Variants in PWWP3A observed in about 807,000 individuals in gnomAD.
PWWP3A encodes PWWP domain-containing DNA repair factor 3A.
A neutral mutation model predicts 79.0 loss-of-function variants in PWWP3A; 53 were observed. The ratio of observed to expected loss-of-function variants is 0.67; its 90% confidence interval spans 0.54 to 0.84. PWWP3A has a LOEUF of 0.84. PWWP3A is among the 40% of genes least tolerant of loss of function. The probability of loss-of-function intolerance (pLI) is 0.00; values close to 1 mark genes in which losing one functional copy is unlikely to be tolerated. For missense variants in PWWP3A, 973 were observed against 948.0 expected, an observed-to-expected ratio of 1.03 and a Z score of -0.35; for synonymous variants, 443 against 394.4, an observed-to-expected ratio of 1.12 and a Z score of -1.46.
intron 6 of PWWP3A, 44 bp downstream of exon 6, chr19:1,362,395 CAG>C: frequency 6.6e-7 from 1 of 1,524,344 alleles, no homozygotes; most frequent in Non-Finnish European, 9.0e-7. Context: ...ACGGTGCGCT[CAG>C]AGGCAGCGGC....
chr19:1,368,570 C>G lies in PWWP3A; in HGVS notation c.1423-695C>G, dbSNP rs976687790. ...GGGTGCCCCCGTACCCCTAGTGGCC[C>G]TCGGCTCCAGAGTCTTCCCTGGGTC... On this transcript the variant is annotated intron_variant, in intron 9 of 13. Coordinates refer to ENST00000591337, the MANE Select transcript of PWWP3A (RefSeq NM_001369789.1). This position sits in a 1 kb window ranked among gnomAD's most constrained non-coding sequence, Gnocchi z 4.7. Among the ~76,000 whole-genome samples, 1 of 152,184 alleles carries G rather than the reference C, an allele frequency of 6.6e-6. No individual in the cohort carries two copies.
Position 1,368,205 on chromosome 19 carries a change from G to C in PWWP3A, c.1422+985G>C, listed in dbSNP as rs747768441. Among the ~76,000 whole-genome samples the C allele has an allele frequency of 2.6e-5, 4 of 152,204 alleles. No individual in the cohort carries two copies. The highest frequency in any genetic ancestry group is 4.8e-5 in the African/African-American group (2 of 41,456). ...CTCAAAGTGCTGGGATTACAGGTGT[G>C]AGCCACTGCGCCCGGCTGGAACTGA... On this transcript the variant is annotated intron_variant, in intron 9 of 13. Transcript: ENST00000591337. The surrounding 1 kb of genome is among the most constrained non-coding windows in gnomAD (Gnocchi z 4.7).
rs1350699607 is a variant in PWWP3A, at chr19:1,376,291, G to GTTTTTTTT, written c.2076-225_2076-224insTTTTTTTT. On this transcript the variant is annotated intron_variant, in intron 13 of 13. Coordinates refer to ENST00000591337, the MANE Select transcript of PWWP3A (RefSeq NM_001369789.1). ...CAGACATGCGCCACCACGCCCGGCT[G>GTTTTTTTT]TTTGTTTTTTTTTTTGTTTGTTTTT... Among the ~76,000 whole-genome samples the GTTTTTTTT allele has an allele frequency of 6.3e-4, 32 of 50,844 alleles. 1 individual carries two copies. Among genetic ancestry groups the GTTTTTTTT allele is most frequent in the East Asian group, 2.4e-3 (6 of 2,460 alleles). 33.4% of individuals were successfully genotyped at this position (50,844 alleles called of 152,430 possible). A position where few individuals can be genotyped will look rare whatever the true frequency, so the allele number is the denominator to read the frequency against.
intron 11 of PWWP3A, 84 bp from the exon 12 acceptor site, chr19:1,370,558 C>G: frequency 7.9e-7 from 1 of 1,267,330 alleles, no homozygotes; most frequent in Non-Finnish European, 1.1e-6. Context: ...CCTGCCATGT[C>G]GCAGCCTCCC....
At position 1,377,271 on chromosome 19, in the gene PWWP3A, C is replaced by T. The variant is rs1336248174; in HGVS notation, c.*695C>T. ...CCCTGGCTGCCATGGGCCAGACCGC[C>T]TCCACCTCCCCCGCCCGCCTGGCCT... On this transcript the variant is annotated 3_prime_UTR_variant, in exon 14 of 14. Transcript: ENST00000591337. 6.5e-6 allele frequency: 1 copy of T among 152,736 alleles called. No homozygotes were observed. The highest frequency in any genetic ancestry group is 1.5e-5 in the Non-Finnish European group (1 of 68,542). 9.5% of individuals were successfully genotyped at this position (152,736 alleles called of 1,614,324 possible). A position where few individuals can be genotyped will look rare whatever the true frequency, so the allele number is the denominator to read the frequency against.
chr19:1,357,040 A>G lies in PWWP3A; in HGVS notation c.89A>G (p.Asn30Ser), dbSNP rs747939051. 2 of 1,613,522 alleles carry G rather than the reference A, an allele frequency of 1.2e-6. No homozygotes were observed. The highest frequency in any genetic ancestry group is 2.2e-5 in the South Asian group (2 of 90,770). Residue 30 changes from asparagine (N) to serine (S), a missense_variant, in exon 3 of 14, where the codon AAT (asparagine) becomes AGT (serine). Coordinates refer to ENST00000591337, the MANE Select transcript of PWWP3A (RefSeq NM_001369789.1). The part of the protein sequence containing the change: ...VLARTATSTK[N>S]KRRKEYFLAV... ...GCCCGAACCGCGACTTCAACAAAAA[A>G]TAAGAGAAGAAAGGAATATTTTCTA...
chr19:1,369,762 C>G lies in PWWP3A; in HGVS notation c.1549+116C>G. 8.7e-7 allele frequency: 1 copy of G among 1,146,180 alleles called. No individual in the cohort carries two copies. Among genetic ancestry groups the G allele is most frequent in the Non-Finnish European group, 1.3e-6 (1 of 756,688 alleles). The allele number at this position is 1,146,180 out of a possible 1,614,324, so 71.0% of individuals were successfully genotyped here. On this transcript the variant is annotated intron_variant, in intron 11 of 13. Coordinates refer to ENST00000591337, the MANE Select transcript of PWWP3A (RefSeq NM_001369789.1). The surrounding 1 kb of genome is among the most constrained non-coding windows in gnomAD (Gnocchi z 4.0). ...GTTGGGGTCAAGGCACTGTCCGCAGCCACACAGCATTGTTCAACCTCTATG... is the reference window on the plus strand; with the variant it reads ...GTTGGGGTCAAGGCACTGTCCGCAGGCACACAGCATTGTTCAACCTCTATG...
intron 11 of PWWP3A, 129 bp from the exon 12 acceptor site, chr19:1,370,513 A>G (rs2082229080): frequency 1.2e-6 from 1 of 820,498 alleles, no homozygotes; most frequent in African/African-American, 1.7e-5. Context: ...CTCCCGTGCT[A>G]ACACGGAGCT....
intron 5 of PWWP3A, among the ~76,000 whole-genome samples, chr19:1,361,458 T>C (rs1249394949): frequency 2.0e-5 from 3 of 152,240 alleles, no homozygotes; most frequent in Admixed American, 2.0e-4. Context: ...AAGACTGACT[T>C]TTTAAAGAAT....
At chr19:1,374,916 ATAT>A (rs2082333059) in intron 13 of PWWP3A, among the ~76,000 whole-genome samples, 1 of 152,022 alleles carries the variant, frequency 6.6e-6, no homozygotes, top group Non-Finnish European at 1.5e-5. Context: ...CTAAAAATAA[ATAT>A]TATTTTAAAA....
chr19:1,369,765 C>T lies in PWWP3A; in HGVS notation c.1549+119C>T. ...GGGGTCAAGGCACTGTCCGCAGCCA[C>T]ACAGCATTGTTCAACCTCTATGAGG... On this transcript the variant is annotated intron_variant, in intron 11 of 13. Transcript: ENST00000591337. The surrounding 1 kb of genome is among the most constrained non-coding windows in gnomAD (Gnocchi z 4.0). 1 of 1,129,900 alleles carries T rather than the reference C, an allele frequency of 8.9e-7. No individual in the cohort carries two copies. Among genetic ancestry groups the T allele is most frequent in the South Asian group, 1.2e-5 (1 of 80,268 alleles). The allele number at this position is 1,129,900 out of a possible 1,614,324, so 70.0% of individuals were successfully genotyped here. A position where few individuals can be genotyped will look rare whatever the true frequency, so the allele number is the denominator to read the frequency against.
chr19:1,362,957 G>T (rs935866307), intron 6 of PWWP3A, among the ~76,000 whole-genome samples: 3 of 152,356 alleles, frequency 2.0e-5, no homozygotes, highest in Admixed American at 6.5e-5. Context: ...AGCCCCACTT[G>T]AGACTCGCCC....
At position 1,355,140 on chromosome 19, in the gene PWWP3A, G is replaced by T. The variant is rs1415835678; in HGVS notation, c.-70+5G>T. ...CTGGGGAAAGCCGGGGGCCCGGTGA[G>T]CCCGCGGGATGCGTCCCCTCGGTTC... On this transcript the variant is annotated splice_donor_5th_base_variant and intron_variant, in intron 1 of 13. Transcript: ENST00000591337. The T allele has an allele frequency of 6.6e-6, 1 of 152,468 alleles. No individual in the cohort carries two copies. Among genetic ancestry groups the T allele is most frequent in the Non-Finnish European group, 1.5e-5 (1 of 67,928 alleles). 9.4% of individuals were successfully genotyped at this position (152,468 alleles called of 1,614,324 possible).
rs749968600 is a variant in PWWP3A at position 1,356,332 on chromosome 19, G to GT, written c.-61_-60insT. ...TGCAAATTTCGTTCCAGGACACATT[G>GT]GCGTGAGACCTGGGAGTACGTTGTG... On this transcript the variant is annotated 5_prime_UTR_variant, in exon 2 of 14. Transcript: ENST00000591337. The GT allele has an allele frequency of 6.5e-7, 1 of 1,545,842 alleles. No homozygotes were observed. Among genetic ancestry groups the GT allele is most frequent in the South Asian group, 1.1e-5 (1 of 89,624 alleles).
At chr19:1,355,588 A>C (rs1600090952) in intron 1 of PWWP3A, among the ~76,000 whole-genome samples, 7 of 93,572 alleles carry the variant, frequency 7.5e-5, no homozygotes, top group African/African-American at 8.4e-5. Context: ...TTCTGCTGTG[A>C]CCCCCTTCTC....
chr19:1,365,794 A>C (rs2082115344), intron 7 of PWWP3A, among the ~76,000 whole-genome samples: 1 of 152,260 alleles, frequency 6.6e-6, no homozygotes, highest in African/African-American at 2.4e-5. Context: ...CTGAGAGCGC[A>C]GGGCGGAAGG....
Position 1,370,882 on chromosome 19 carries a change from A to G in PWWP3A, c.1790A>G (p.Lys597Arg), listed in dbSNP as rs2082241800. ...CTGCGGGCCATCCTAAAGAGCAGGAAGCCATCTCGCTGGCTGCAGACCTTC... is the reference window on the plus strand; with the variant it reads ...CTGCGGGCCATCCTAAAGAGCAGGAGGCCATCTCGCTGGCTGCAGACCTTC... The part of the protein sequence containing the change: ...SHLRAILKSR[K>R]PSRWLQTFLS... Residue 597 changes from lysine (K) to arginine (R), a missense_variant, in exon 12 of 14, where the codon AAG becomes AGG. Coordinates refer to ENST00000591337, the MANE Select transcript of PWWP3A (RefSeq NM_001369789.1). 6.4e-7 allele frequency: 1 copy of G among 1,556,846 alleles called. No homozygotes were observed. The highest frequency in any genetic ancestry group is 8.7e-7 in the Non-Finnish European group (1 of 1,150,004).
rs760637019 is a variant in PWWP3A at position 1,361,046 on chromosome 19, G to C, written c.1111+14G>C. 3.5e-6 allele frequency: 5 copies of C among 1,423,734 alleles called. No individual in the cohort carries two copies. The highest frequency in any genetic ancestry group is 3.3e-5 in the Admixed American group (1 of 30,622). 88.2% of individuals were successfully genotyped at this position (1,423,734 alleles called of 1,614,324 possible). ...AGCTGGAGAAAGGTAAAAGTTTCTC[G>C]TGGAGGAGGAGAGCGCAGAGGGTGG... is the stretch of plus-strand genomic sequence containing the variant. On this transcript the variant is annotated intron_variant, in intron 5 of 13. Transcript: ENST00000591337.
At chr19:1,373,043 C>G in intron 12 of PWWP3A, 29 bp from the exon 13 acceptor site, 1 of 1,608,652 alleles carries the variant, frequency 6.2e-7, no homozygotes, top group South Asian at 1.1e-5. Context: ...GCAGTGCCTG[C>G]TGCTATTGAG....
Sources: gnomAD v4.1 joint callset for allele counts (sites outside exome capture counted in the v4.1 genomes callset) on GRCh38, gnomAD v4.1.1 for gene constraint, Gnocchi (gnomAD v3.1) non-coding constraint, MANE v1.5 for transcripts, NCBI Gene and HGNC (gene_info 2026-07-23, HGNC 2026-07-21) for gene names.